MTHFD1L: variants seen among roughly 807,000 people sequenced by gnomAD.
MTHFD1L encodes the protein monofunctional C1-tetrahydrofolate synthase, mitochondrial.
Under a neutral mutation model 119.5 loss-of-function variants are expected in MTHFD1L, and 81 were observed. The ratio of observed to expected loss-of-function variants is 0.68; its 90% CI spans 0.57 to 0.82. MTHFD1L has a LOEUF of 0.82. MTHFD1L is among the 40% of genes least tolerant of loss of function. MTHFD1L has a pLI of 0.00. For missense variants in MTHFD1L, 1,125 were observed against 1,253.4 expected, an observed-to-expected ratio of 0.90 and a Z score of 1.55; for synonymous variants, 430 against 475.2, an observed-to-expected ratio of 0.90 and a Z score of 1.24.
chr6:150,956,656 G>GT (rs1351222310), intron 17 of MTHFD1L, among the ~76,000 whole-genome samples: 1 of 152,174 alleles, frequency 6.6e-6, no homozygotes, highest in Non-Finnish European at 1.5e-5. Flanking sequence ...TCCAGGCACA[G>GT]TGGGCTTCTA....
intron 23 of MTHFD1L, among the ~76,000 whole-genome samples, chr6:151,015,304 AC>A (rs1782887972): frequency 6.7e-6 from 1 of 149,440 alleles, no homozygotes; most frequent in Non-Finnish European, 1.5e-5. Context: ...TCTTGATAAC[AC>A]CCTTAACGAC....
At chr6:151,043,065 G>C (rs1787374620) in intron 26 of MTHFD1L, among the ~76,000 whole-genome samples, 1 of 152,102 alleles carries the variant, frequency 6.6e-6, no homozygotes, top group Admixed American at 6.5e-5. Flanking sequence ...AAGGCCATAA[G>C]AGCTAGAACG....
intron 24 of MTHFD1L, among the ~76,000 whole-genome samples, chr6:151,025,003 C>T (rs1784432374): frequency 6.6e-6 from 1 of 152,144 alleles, no homozygotes; most frequent in Non-Finnish European, 1.5e-5. Context: ...CCCATATATT[C>T]CGTTTTTTGG....
chr6:151,020,847 G>T (rs1275776026), intron 24 of MTHFD1L, among the ~76,000 whole-genome samples: 2 of 152,174 alleles, frequency 1.3e-5, no homozygotes, highest in Non-Finnish European at 2.9e-5. Flanking sequence ...GGGATGCAGG[G>T]AAATATGATG....
At chr6:150,987,283 C>T (rs1355114639) in intron 20 of MTHFD1L, among the ~76,000 whole-genome samples, 2 of 152,054 alleles carry the variant, frequency 1.3e-5, no homozygotes, top group African/African-American at 4.8e-5. Flanking sequence ...GGTTTGAGAG[C>T]CCTTTCTTGC....
chr6:150,985,102 A>G (rs1778089279), intron 20 of MTHFD1L: 1 of 152,212 alleles, frequency 6.6e-6, no homozygotes. Flanking sequence ...CAAATAGAAG[A>G]GTCAGGGGTT....
chr6:151,005,742 C>G (rs1023492610), intron 20 of MTHFD1L, among the ~76,000 whole-genome samples: 13 of 151,574 alleles, frequency 8.6e-5, no homozygotes, highest in Admixed American at 7.2e-4. Flanking sequence ...CCATTGCACT[C>G]CAGCCTGGGC....
intron 7 of MTHFD1L, among the ~76,000 whole-genome samples, chr6:150,893,556 C>T (rs1783706019): frequency 6.6e-6 from 1 of 152,154 alleles, no homozygotes; most frequent in Non-Finnish European, 1.5e-5. Context: ...TTATTTGTAC[C>T]TGACATGGAA....
At chr6:151,045,966 C>T (rs527965188) in intron 26 of MTHFD1L, among the ~76,000 whole-genome samples, 24 of 152,236 alleles carry the variant, frequency 1.6e-4, no homozygotes, top group African/African-American at 5.8e-4. Context: ...TAACCAGCGT[C>T]GTTCTCAATT....
At chr6:151,065,695 G>C (rs1267080303) in intron 26 of MTHFD1L, among the ~76,000 whole-genome samples, 1 of 152,262 alleles carries the variant, frequency 6.6e-6, no homozygotes, top group African/African-American at 2.4e-5. Flanking sequence ...GCCAGGCTCT[G>C]TTGGCCTCAT....
At chr6:151,090,912 CAG>C (rs1491149924) in intron 26 of MTHFD1L, among the ~76,000 whole-genome samples, 15 of 140,232 alleles carry the variant, frequency 1.1e-4, no homozygotes, top group Admixed American at 3.6e-4. Flanking sequence ...CGACTGGGTG[CAG>C]CATCGTTCCA....
intron 2 of MTHFD1L, among the ~76,000 whole-genome samples, chr6:150,877,219 A>G (rs757853682): frequency 6.6e-6 from 1 of 151,932 alleles, no homozygotes; most frequent in African/African-American, 2.4e-5. Flanking sequence ...CGCCGGGCTA[A>G]TGTTTGTATT....
intron 10 of MTHFD1L, among the ~76,000 whole-genome samples, chr6:150,924,501 C>CAG: frequency 6.7e-6 from 1 of 148,598 alleles, no homozygotes; most frequent in East Asian, 2.0e-4. Context: ...TTTTTTGAGA[C>CAG]AGTCTTATTC....
intron 4 of MTHFD1L, 81 bp downstream of exon 4, chr6:150,877,907 G>C: frequency 2.0e-6 from 3 of 1,521,552 alleles, no homozygotes; most frequent in Non-Finnish European, 2.7e-6. Flanking sequence ...CTTAGTGGTG[G>C]CTGGGACAGA....
rs553264330 is a variant in MTHFD1L, at chr6:150,916,671, G to A, written c.893-1906G>A. Reference sequence around the variant, plus strand: ...CAACATCTTTCTAGGTTGATAATCAGGTAATCCCTAAAGTTAATACCCTAA... The same window carrying A: ...CAACATCTTTCTAGGTTGATAATCAAGTAATCCCTAAAGTTAATACCCTAA... On this transcript the variant is annotated intron_variant, in intron 8 of 27. Coordinates refer to ENST00000367321, the MANE Select transcript of MTHFD1L (RefSeq NM_015440.5). Among the ~76,000 whole-genome samples the A allele has an allele frequency of 2.2e-5, 3 of 139,386 alleles. No homozygotes were observed. In the South Asian group the frequency reaches 7.2e-4, roughly 33 times the overall value. 91.4% of individuals were successfully genotyped at this position (139,386 alleles called of 152,430 possible). A position where few individuals can be genotyped will look rare whatever the true frequency, so the allele number is the denominator to read the frequency against.
At chr6:151,057,187 A>AT in intron 26 of MTHFD1L, 3 of 984,914 alleles carry the variant, frequency 3.0e-6, no homozygotes, top group Non-Finnish European at 3.6e-6. Flanking sequence ...TCCATTATGT[A>AT]TTTTCCATGA....
At chr6:151,012,810 C>T (rs1216987709) in intron 21 of MTHFD1L, among the ~76,000 whole-genome samples, 1 of 152,102 alleles carries the variant, frequency 6.6e-6, no homozygotes, top group Non-Finnish European at 1.5e-5. Flanking sequence ...GGCTGGCAAG[C>T]TGAAGACCCA....
At chr6:150,866,471 G>T in intron 1 of MTHFD1L, 1 of 1,319,364 alleles carries the variant, frequency 7.6e-7, no homozygotes, top group Non-Finnish European at 9.6e-7. Flanking sequence ...CGGCGCGCCG[G>T]CTGGCCCGGG....
chr6:150,917,866 G>T (rs1395115854), intron 8 of MTHFD1L, among the ~76,000 whole-genome samples: 1 of 152,092 alleles, frequency 6.6e-6, no homozygotes, highest in Non-Finnish European at 1.5e-5. Flanking sequence ...TTAAATGTTC[G>T]CTATGAATTC....
Sources: allele counts gnomAD v4.1 joint callset (sites outside exome capture counted in the v4.1 genomes callset), GRCh38; gene constraint gnomAD v4.1.1; transcripts MANE v1.5; gene names NCBI Gene and HGNC (gene_info 2026-07-23, HGNC 2026-07-21).